Variants in DOCK4 observed in about 807,000 individuals in gnomAD.
The protein encoded by DOCK4 is dedicator of cytokinesis protein 4.
In DOCK4, 97 loss-of-function variants were observed where a neutral mutation model predicts 268.1. The ratio of observed to expected loss-of-function variants is 0.36; its 90% confidence interval spans 0.31 to 0.43. DOCK4 has a LOEUF of 0.43. Ranked by LOEUF, DOCK4 falls within the 20% of genes least tolerant of loss-of-function variation. DOCK4 has a pLI of 1.00. For missense variants in DOCK4, 2,145 were observed against 2,455.7 expected (o/e 0.87, Z 2.67); for synonymous variants, 954 against 887.2 (o/e 1.08, Z -1.34).
intron 41 of DOCK4, among the ~76,000 whole-genome samples, chr7:111,756,448 C>G (rs780743289): frequency 6.6e-6 from 1 of 152,098 alleles, no homozygotes; most frequent in Non-Finnish European, 1.5e-5. Flanking sequence ...AACCTACCCA[C>G]TAGGACCTCT....
chr7:112,167,054 C>T (rs760158178), intron 1 of DOCK4, among the ~76,000 whole-genome samples: 12 of 152,168 alleles, frequency 7.9e-5, no homozygotes, highest in South Asian at 2.1e-4. Flanking sequence ...CCATCAAACA[C>T]ATCTCCAACA....
chr7:112,146,976 C>T (rs1815571119), intron 1 of DOCK4, among the ~76,000 whole-genome samples: 1 of 152,046 alleles, frequency 6.6e-6, no homozygotes, highest in South Asian at 2.1e-4. Flanking sequence ...AGCCCCAAAG[C>T]ACCTTATAAA....
intron 27 of DOCK4, among the ~76,000 whole-genome samples, chr7:111,816,310 G>C (rs1216251969): frequency 1.3e-5 from 2 of 152,106 alleles, no homozygotes; most frequent in African/African-American, 4.8e-5. Flanking sequence ...GAAAAACTAA[G>C]GACATCTAAA....
intron 8 of DOCK4, among the ~76,000 whole-genome samples, chr7:111,949,390 A>C (rs944448790): frequency 6.6e-6 from 1 of 152,330 alleles, no homozygotes; most frequent in South Asian, 2.1e-4. Flanking sequence ...AAAGTATTCT[A>C]TTGCAGAAAC....
chr7:111,872,256 A>C lies in DOCK4; in HGVS notation c.1926+13T>G, dbSNP rs747427604. 303 of 1,512,070 alleles carry C rather than the reference A, an allele frequency of 2.0e-4. No homozygotes were observed. Among genetic ancestry groups the C allele is most frequent in the Non-Finnish European group, 2.6e-4 (291 of 1,122,634 alleles). The allele number at this position is 1,512,070 out of a possible 1,614,324, so 93.7% of individuals were successfully genotyped here. A position where few individuals can be genotyped will look rare whatever the true frequency, so the allele number is the denominator to read the frequency against. On this transcript the variant is annotated intron_variant, in intron 19 of 52. Transcript: ENST00000428084. ...AAAACAGTTAAAATACAATTAAGGG[A>C]ATTTGAACTTACCAAAGAATCAAAC...
chr7:111,823,098 A>G (rs1019777672), intron 26 of DOCK4, among the ~76,000 whole-genome samples: 5 of 152,290 alleles, frequency 3.3e-5, no homozygotes, highest in Non-Finnish European at 5.9e-5. Context: ...TATTCCTCAC[A>G]AAGATGCCAT....
At chr7:112,078,185 G>GT (rs982736972) in intron 1 of DOCK4, among the ~76,000 whole-genome samples, 10 of 151,984 alleles carry the variant, frequency 6.6e-5, no homozygotes, top group Admixed American at 4.6e-4. Context: ...TATCTCTCAT[G>GT]TTTTTTTAAA....
At chr7:111,944,693 A>T (rs1049852891) in intron 10 of DOCK4, 118 bp downstream of exon 10, 3 of 1,005,034 alleles carry the variant, frequency 3.0e-6, no homozygotes, top group East Asian at 2.6e-5. Flanking sequence ...CTTGGATTCA[A>T]ATCTGGCTTT....
intron 1 of DOCK4, among the ~76,000 whole-genome samples, chr7:112,121,323 A>G (rs765796988): frequency 3.7e-4 from 56 of 152,318 alleles, no homozygotes; most frequent in Non-Finnish European, 6.8e-4. Context: ...TCTAGGGAGT[A>G]GTAACAGGAT....
intron 8 of DOCK4, among the ~76,000 whole-genome samples, chr7:111,959,891 T>A (rs1280118025): frequency 2.0e-5 from 3 of 152,164 alleles, no homozygotes; most frequent in African/African-American, 7.2e-5. Flanking sequence ...GCTAAGCACA[T>A]CCAGCAAAAG....
At chr7:111,909,960 T>TA (rs1189708620) in intron 13 of DOCK4, among the ~76,000 whole-genome samples, 17 of 133,766 alleles carry the variant, frequency 1.3e-4, no homozygotes, top group African/African-American at 3.1e-4. Flanking sequence ...AGACCCTGTT[T>TA]AAAAAAAAAG....
intron 30 of DOCK4, among the ~76,000 whole-genome samples, chr7:111,801,260 T>C (rs74700173): frequency 3.1e-4 from 47 of 152,350 alleles, no homozygotes; most frequent in African/African-American, 1.1e-3. Context: ...TCTGGGCCCA[T>C]GCAAATCAAA....
intron 23 of DOCK4, among the ~76,000 whole-genome samples, chr7:111,861,760 AT>A (rs1334929549): frequency 4.1e-4 from 26 of 63,816 alleles, no homozygotes; most frequent in East Asian, 9.4e-4. Context: ...AAAAAAAAAA[AT>A]AATAATAATA....
chr7:112,074,598 A>G (rs1807894544), intron 1 of DOCK4, among the ~76,000 whole-genome samples: 1 of 152,142 alleles, frequency 6.6e-6, no homozygotes, highest in African/African-American at 2.4e-5. Flanking sequence ...CTTCCTGTCT[A>G]TGGATGTTTC....
intron 1 of DOCK4, among the ~76,000 whole-genome samples, chr7:112,058,511 G>A (rs1329427532): frequency 6.6e-6 from 1 of 152,114 alleles, no homozygotes; most frequent in Non-Finnish European, 1.5e-5. Context: ...TCACTCTTCT[G>A]AATGGGGCTT....
At chr7:111,918,171 G>C (rs1562885358) in intron 12 of DOCK4, among the ~76,000 whole-genome samples, 1 of 152,130 alleles carries the variant, frequency 6.6e-6, no homozygotes, top group Non-Finnish European at 1.5e-5. Flanking sequence ...CTAGATGAGG[G>C]GCAATAAACA....
At chr7:111,811,409 C>A (rs1801122048) in intron 28 of DOCK4, among the ~76,000 whole-genome samples, 1 of 152,044 alleles carries the variant, frequency 6.6e-6, no homozygotes, top group African/African-American at 2.4e-5. Flanking sequence ...TTTGTAGGCA[C>A]CCAGGCATAT....
chr7:111,957,992 G>C (rs534041554), intron 8 of DOCK4, among the ~76,000 whole-genome samples: 1 of 152,274 alleles, frequency 6.6e-6, no homozygotes, highest in African/African-American at 2.4e-5. Context: ...TGAGAGCACA[G>C]TTCTTATTAG....
At chr7:111,802,150 TAGA>T (rs1009347910) in intron 30 of DOCK4, among the ~76,000 whole-genome samples, 1 of 152,090 alleles carries the variant, frequency 6.6e-6, no homozygotes, top group Admixed American at 6.6e-5. Context: ...TTTATCAGGG[TAGA>T]AAACCTGTGC....
Sources: allele counts gnomAD v4.1 joint callset (sites outside exome capture counted in the v4.1 genomes callset), GRCh38; gene constraint gnomAD v4.1.1; transcripts MANE v1.5; gene names NCBI Gene and HGNC (gene_info 2026-07-23, HGNC 2026-07-21).